Variants in ZNF251 observed in about 807,000 individuals in gnomAD.
ZNF251 encodes the protein zinc finger protein 251.
ZNF251 carries 14 observed loss-of-function variants against 13.5 expected under a neutral mutation model. That is an observed-to-expected ratio of 1.04 (90% confidence interval 0.69 to 1.63). The LOEUF (loss-of-function observed/expected upper bound fraction) is 1.63, where lower values mean the gene tolerates loss of function less well. Ranked by LOEUF, ZNF251 falls within the 40% of genes most tolerant of loss-of-function variation. The pLI is 0.00. For synonymous variants in ZNF251, 287 were observed against 295.2 expected, an observed-to-expected ratio of 0.97 and a Z score of 0.28; for missense variants, 764 against 834.9, an observed-to-expected ratio of 0.92 and a Z score of 1.05.
intron 4 of ZNF251, among the ~76,000 whole-genome samples, chr8:144,746,009 C>A (rs147333434): frequency 6.2e-4 from 95 of 152,278 alleles, no homozygotes; most frequent in African/African-American, 2.2e-3. Context: ...AGATTTTGTA[C>A]ATATTTTGTT....
intron 4 of ZNF251, among the ~76,000 whole-genome samples, chr8:144,727,916 G>T (rs576530068): frequency 6.6e-6 from 1 of 152,136 alleles, no homozygotes; most frequent in African/African-American, 2.4e-5. Flanking sequence ...GGGCTCAAGC[G>T]ATCCTCCTGT....
intron 4 of ZNF251, among the ~76,000 whole-genome samples, chr8:144,750,773 C>G (rs1447399263): frequency 6.6e-6 from 1 of 152,016 alleles, no homozygotes; most frequent in African/African-American, 2.4e-5. Context: ...CATCTGGCCA[C>G]CGGTTCCCTG....
chr8:144,745,849 C>T (rs767529807), intron 4 of ZNF251, among the ~76,000 whole-genome samples: 1 of 152,068 alleles, frequency 6.6e-6, no homozygotes, highest in Non-Finnish European at 1.5e-5. Flanking sequence ...CACTTAGCCC[C>T]TGAGACTGTG....
intron 4 of ZNF251, among the ~76,000 whole-genome samples, chr8:144,747,156 T>G (rs536205627): frequency 1.3e-5 from 2 of 152,334 alleles, no homozygotes; most frequent in African/African-American, 4.8e-5. Context: ...TTGGTAAGTT[T>G]TATTTTCATT....
At position 144,755,485 on chromosome 8, in the gene ZNF251, A is replaced by C. The variant is rs970018439; in HGVS notation, c.-156T>G. On this transcript the variant is annotated 5_prime_UTR_variant, in exon 1 of 5. Transcript: ENST00000292562. ...CACCGAGCCCGGAACGGACCCTCCC[A>C]CAGAACCGGGTCCAGAGCCGGGGAG... 6.2e-5 allele frequency: 80 copies of C among 1,287,194 alleles called. No homozygotes were observed. The African/African-American group carries it at 1.1e-3, about 18-fold the overall frequency. The allele number at this position is 1,287,194 out of a possible 1,614,324, so 79.7% of individuals were successfully genotyped here.
chr8:144,729,338 T>TA (rs200502513), intron 4 of ZNF251, among the ~76,000 whole-genome samples: 2 of 75,926 alleles, frequency 2.6e-5, no homozygotes, highest in African/African-American at 6.7e-5. Context: ...TATTTTTATT[T>TA]TTTTTTTTTT....
intron 4 of ZNF251, among the ~76,000 whole-genome samples, chr8:144,725,399 T>C (rs1165193957): frequency 6.6e-6 from 1 of 152,074 alleles, no homozygotes; most frequent in Non-Finnish European, 1.5e-5. Context: ...CAAGTGCTCC[T>C]CCCACTTCAG....
At chr8:144,750,701 T>G (rs1824651011) in intron 4 of ZNF251, among the ~76,000 whole-genome samples, 1 of 152,136 alleles carries the variant, frequency 6.6e-6, no homozygotes, top group Non-Finnish European at 1.5e-5. Context: ...CCCCTGGAGT[T>G]TTTTTTCAGA....
intron 4 of ZNF251, among the ~76,000 whole-genome samples, chr8:144,735,628 C>T (rs1272805167): frequency 6.6e-6 from 1 of 152,098 alleles, no homozygotes; most frequent in African/African-American, 2.4e-5. Flanking sequence ...GTGGGAAGGA[C>T]GGGCGCACTC....
intron 1 of ZNF251, chr8:144,755,203 C>T (rs1824902768): frequency 2.6e-6 from 3 of 1,168,994 alleles, no homozygotes; most frequent in Middle Eastern, 4.0e-4. Context: ...GGGGAGAGGC[C>T]GGAAGCCAGC....
chr8:144,748,678 A>T (rs1313239321), intron 4 of ZNF251, among the ~76,000 whole-genome samples: 1 of 152,140 alleles, frequency 6.6e-6, no homozygotes, highest in East Asian at 1.9e-4. Context: ...CTACCACATC[A>T]GCCTCTTGAG....
At chr8:144,733,364 G>C (rs1772428901) in intron 4 of ZNF251, among the ~76,000 whole-genome samples, 1 of 152,226 alleles carries the variant, frequency 6.6e-6, no homozygotes, top group African/African-American at 2.4e-5. Context: ...AAGATGTTGA[G>C]ACCCCACCTC....
intron 4 of ZNF251, among the ~76,000 whole-genome samples, chr8:144,727,983 T>A (rs1823567926): frequency 6.6e-6 from 1 of 152,168 alleles, no homozygotes. Context: ...TGAAGAAGTT[T>A]TGCTTTGCAT....
intron 4 of ZNF251, among the ~76,000 whole-genome samples, chr8:144,746,753 C>CA: frequency 6.6e-6 from 1 of 151,456 alleles, no homozygotes; most frequent in Admixed American, 6.6e-5. Flanking sequence ...AATTTGGGCA[C>CA]AGAGTTGTTC....
intron 4 of ZNF251, among the ~76,000 whole-genome samples, chr8:144,737,820 A>G (rs924736056): frequency 3.6e-5 from 5 of 139,514 alleles, no homozygotes; most frequent in Non-Finnish European, 7.6e-5. Context: ...CCTGGGCAAC[A>G]GAGCGAGACT....
rs778055291 is a variant in ZNF251, at chr8:144,754,200, G to A, written c.155C>T (p.Ala52Val). 9.3e-6 allele frequency: 15 copies of A among 1,613,566 alleles called. No individual in the cohort carries two copies. In the South Asian group the frequency reaches 1.1e-4, roughly 12 times the overall value. ...DVMLENYGNV[A>V]SLGFPVPKPE... The stretch of plus-strand genomic sequence containing the variant: ...AGTGCAGAGAGCCTCACCCAGAGAG[G>A]CCACGTTCCCATAGTTCTCCAGCAT... Residue 52 changes from alanine to valine, a missense_variant, in exon 3 of 5, where the codon GCC becomes GTC. By Grantham distance (64) the Ala-to-Val change is moderately conservative. Coordinates refer to ENST00000292562, the MANE Select transcript of ZNF251 (RefSeq NM_138367.2).
chr8:144,754,994 G>A, intron 1 of ZNF251, 191 bp from the exon 2 acceptor site: 4 of 1,395,282 alleles, frequency 2.9e-6, no homozygotes, highest in South Asian at 3.3e-5. Context: ...AGCCCGGGGG[G>A]ATCCAGGGAC....
chr8:144,754,540 G>A, intron 2 of ZNF251, 156 bp downstream of exon 2: 1 of 1,450,288 alleles, frequency 6.9e-7, no homozygotes, highest in Non-Finnish European at 9.1e-7. Context: ...CTCCCTGCAG[G>A]AGGGCGAGTC....
intron 2 of ZNF251, 122 bp downstream of exon 2, chr8:144,754,574 C>A: frequency 2.0e-6 from 3 of 1,465,218 alleles, no homozygotes; most frequent in Non-Finnish European, 2.7e-6. Context: ...CCTTTCCTCA[C>A]GGTTGCTATG....
Sources: allele counts gnomAD v4.1 joint callset (sites outside exome capture counted in the v4.1 genomes callset), GRCh38; gene constraint gnomAD v4.1.1; transcripts MANE v1.5; gene names NCBI Gene and HGNC (gene_info 2026-07-23, HGNC 2026-07-21).